AFDN: variants seen among roughly 807,000 people sequenced by gnomAD.
AFDN encodes afadin, adherens junction formation factor, also known as afadin.
AFDN carries 68 observed loss-of-function variants against 216.6 expected under a neutral mutation model. The observed-to-expected ratio is 0.31, with a 90% confidence interval of 0.26 to 0.38. The LOEUF (loss-of-function observed/expected upper bound fraction) is 0.38, where lower values mean the gene tolerates loss of function less well. AFDN is among the 10% of genes least tolerant of loss of function. The pLI is 1.00. For synonymous variants in AFDN, 868 were observed against 853.7 expected (o/e 1.02, Z -0.29); for missense variants, 2,136 against 2,342.0 (o/e 0.91, Z 1.82).
At chr6:167,967,620 A>C (rs776701442) in intron 32 of AFDN, among the ~76,000 whole-genome samples, 6 of 152,174 alleles carry the variant, frequency 3.9e-5, no homozygotes, top group Non-Finnish European at 5.9e-5. Context: ...CAAGTATTAT[A>C]ATGAGGTGTC....
At chr6:167,893,138 G>C (rs890637456) in intron 8 of AFDN, among the ~76,000 whole-genome samples, 1 of 152,174 alleles carries the variant, frequency 6.6e-6, no homozygotes, top group Non-Finnish European at 1.5e-5. Flanking sequence ...GTTCAGGTCT[G>C]GTGCCACTAT....
At chr6:167,920,139 G>A (rs957526384) in intron 21 of AFDN, among the ~76,000 whole-genome samples, 1 of 152,178 alleles carries the variant, frequency 6.6e-6, no homozygotes, top group Non-Finnish European at 1.5e-5. Context: ...TGAGGCTGGG[G>A]TGAGGTCTTT....
At chr6:167,955,912 C>G (rs1796453407) in intron 30 of AFDN, among the ~76,000 whole-genome samples, 1 of 151,804 alleles carries the variant, frequency 6.6e-6, no homozygotes, top group Admixed American at 6.6e-5. Flanking sequence ...GCCAGGAGTT[C>G]AAGACCAGCC....
intron 31 of AFDN, chr6:167,963,322 G>A (rs921298653): frequency 5.7e-6 from 6 of 1,061,374 alleles, no homozygotes; most frequent in South Asian, 9.1e-5. Flanking sequence ...AGGGGACTGC[G>A]TGTTGCTCTG....
chr6:167,961,832 T>A (rs1797068134), intron 30 of AFDN, among the ~76,000 whole-genome samples: 1 of 151,906 alleles, frequency 6.6e-6, no homozygotes, highest in African/African-American at 2.4e-5. Context: ...GGGAGGGAAT[T>A]CTTGAAGTCC....
At position 167,951,224 on chromosome 6, in the gene AFDN, A is replaced by C; in HGVS notation, c.3870A>C (p.Lys1290Asn). ...CCCAAGAAGAACTTCGAGAAGATAA[A>C]GCTTACCAACTTGAGCGGCATCGAA... ...TRSQEELRED[K>N]AYQLERHRIE... Residue 1290 changes from lysine (K) to asparagine (N), a missense_variant, in exon 30 of 34, where the codon AAA (lysine) becomes AAC (asparagine). Coordinates refer to ENST00000683244, the MANE Select transcript of AFDN (RefSeq NM_001386888.1). This position sits in a 1 kb window ranked among gnomAD's most constrained non-coding sequence, Gnocchi z 7.1. The C allele has an allele frequency of 6.3e-7, 1 of 1,591,264 alleles. No individual in the cohort carries two copies. The highest frequency in any genetic ancestry group is 1.2e-5 in the South Asian group (1 of 86,384).
rs377570470 is a variant in AFDN, at chr6:167,914,200, C to G, written c.2091C>G (p.Phe697Leu). The change falls in exon 17 of 34, where the codon TTC (phenylalanine) becomes TTG (leucine). Residue 697 changes from phenylalanine to leucine, a missense_variant. Physicochemically the swap from Phe to Leu is conservative, Grantham distance 22 (BLOSUM62 0). Transcript: ENST00000683244. ...AGAATATTGCAGGGGCACTTGCCTT[C>G]TGGATGGCAAATGCATCTGAACTTC... ...KQKNIAGALA[F>L]WMANASELLN... is the part of the protein sequence containing the mutation. 1 of 1,614,160 alleles carries G rather than the reference C, an allele frequency of 6.2e-7. No individual in the cohort carries two copies. The highest frequency in any genetic ancestry group is 8.5e-7 in the Non-Finnish European group (1 of 1,180,014).
intron 32 of AFDN, among the ~76,000 whole-genome samples, chr6:167,967,771 T>C (rs1472125247): frequency 6.6e-6 from 1 of 152,198 alleles, no homozygotes; most frequent in Admixed American, 6.5e-5. Flanking sequence ...CAGAGCCGTC[T>C]GCACCGTGTG....
At position 167,893,881 on chromosome 6, in the gene AFDN, C is replaced by A; in HGVS notation, c.1197C>A (p.Ala399=). The part of the protein sequence containing the change: ...ELSPGRRNHF[A]YYNYHTYEDG... ...CCCCAGGGAGAAGGAATCACTTTGC[C>A]TACTACAACTATCACACTTACGAAG... is the stretch of plus-strand genomic sequence containing the variant. Residue 399 remains alanine (A), a synonymous_variant, in exon 9 of 34, where the codon GCC becomes GCA. Transcript: ENST00000683244. 6.3e-7 allele frequency: 1 copy of A among 1,588,908 alleles called. No homozygotes were observed. The highest frequency in any genetic ancestry group is 8.6e-7 in the Non-Finnish European group (1 of 1,166,118).
At chr6:167,898,493 A>G in intron 11 of AFDN, 26 bp downstream of exon 11, 1 of 1,600,668 alleles carries the variant, frequency 6.2e-7, no homozygotes. Context: ...CTAAGATTTA[A>G]AATGTTTTGA....
At chr6:167,875,719 T>TAA (rs372727488) in intron 5 of AFDN, among the ~76,000 whole-genome samples, 2 of 142,280 alleles carry the variant, frequency 1.4e-5, no homozygotes, top group African/African-American at 2.6e-5. Context: ...ATACAGCTCT[T>TAA]AAAAAAAAAA....
intron 30 of AFDN, among the ~76,000 whole-genome samples, chr6:167,954,723 C>G (rs1016281165): frequency 6.6e-6 from 1 of 152,084 alleles, no homozygotes; most frequent in Non-Finnish European, 1.5e-5. Context: ...ATGGTTTTGA[C>G]CTTTTCTCGG....
chr6:167,950,989 G>A (rs1419471397), intron 29 of AFDN, among the ~76,000 whole-genome samples, 197 bp from the exon 30 acceptor site: 1 of 151,530 alleles, frequency 6.6e-6, no homozygotes, highest in African/African-American at 2.4e-5. Flanking sequence ...GAGCCACCAC[G>A]CTTGGCCGCT....
At chr6:167,826,851 GCGCGCAC>G (rs1221083545), upstream of AFDN, 1 of 145,576 alleles carries the variant, frequency 6.9e-6, no homozygotes, top group East Asian at 2.0e-4. Flanking sequence ...GCGGGCGGCG[GCGCGCAC>G]GGCGGCGGGC....
chr6:167,874,564 A>C (rs955810786), intron 4 of AFDN, among the ~76,000 whole-genome samples: 18 of 152,018 alleles, frequency 1.2e-4, no homozygotes, highest in African/African-American at 4.1e-4. Context: ...GGTGTTAAAA[A>C]AAATCATTCC....
At chr6:167,920,521 C>G (rs555327978) in intron 21 of AFDN, among the ~76,000 whole-genome samples, 1 of 152,248 alleles carries the variant, frequency 6.6e-6, no homozygotes, top group South Asian at 2.1e-4. Flanking sequence ...TTACTTAGAG[C>G]GTTAGTCCTC....
rs189588340 is a variant in AFDN, at chr6:167,862,391, T to C, written c.106-2160T>C. Among the ~76,000 whole-genome samples the C allele has an allele frequency of 4.3e-3, 650 of 152,260 alleles. 3 individuals carry two copies. The highest frequency in any genetic ancestry group is 0.015 in the African/African-American group (620 of 41,562). ...AGTTATAAAGGTTTGGTTTTTTTTT[T>C]TTTAGATGAAGTCTTGCTCTGTCGC... On this transcript the variant is annotated intron_variant, in intron 1 of 33. Coordinates refer to ENST00000683244, the MANE Select transcript of AFDN (RefSeq NM_001386888.1).
At chr6:167,877,824 C>T (rs1275554652) in intron 5 of AFDN, among the ~76,000 whole-genome samples, 2 of 152,126 alleles carry the variant, frequency 1.3e-5, no homozygotes. Context: ...TCTTTTACCC[C>T]AAGGATTAGT....
At position 167,827,079 on chromosome 6, in the gene AFDN, T is replaced by A. The variant is rs1220740109; in HGVS notation, c.-54T>A. ...CCGGGCCCCCGCGGACCTGTCGTCC[T>A]CGGCCCGTCCTCCGGCCCCGGCCCC... On this transcript the variant is annotated 5_prime_UTR_variant, in exon 1 of 34. Coordinates refer to ENST00000683244, the MANE Select transcript of AFDN (RefSeq NM_001386888.1). The A allele has an allele frequency of 5.0e-5, 51 of 1,011,446 alleles. No homozygotes were observed. The highest frequency in any genetic ancestry group is 6.1e-5 in the Non-Finnish European group (49 of 803,396). 62.7% of individuals were successfully genotyped at this position (1,011,446 alleles called of 1,614,324 possible).
Sources: gnomAD v4.1 joint callset for allele counts (sites outside exome capture counted in the v4.1 genomes callset) on GRCh38, gnomAD v4.1.1 for gene constraint, Gnocchi (gnomAD v3.1) non-coding constraint, MANE v1.5 for transcripts, NCBI Gene and HGNC (gene_info 2026-07-23, HGNC 2026-07-21) for gene names.